Variants in CYB5R4 observed in about 807,000 individuals in gnomAD.
CYB5R4 encodes N-terminal cytochrome b5 and cytochrome b5 oxidoreductase domain-containing protein.
Under a neutral mutation model 70.2 loss-of-function variants are expected in CYB5R4, and 55 were observed. The ratio of observed to expected loss-of-function variants is 0.78; its 90% CI spans 0.63 to 0.98. CYB5R4 has a LOEUF of 0.98. CYB5R4 is among the 50% of genes least tolerant of loss of function. The pLI is 0.00. For synonymous variants in CYB5R4, 197 were observed against 199.5 expected (o/e 0.99, Z 0.11); for missense variants, 562 against 612.6 (o/e 0.92, Z 0.87).
intron 3 of CYB5R4, among the ~76,000 whole-genome samples, chr6:83,898,197 C>T (rs1033326744): frequency 6.6e-6 from 1 of 152,114 alleles, no homozygotes; most frequent in African/African-American, 2.4e-5. Flanking sequence ...GCCAGTTTTC[C>T]CAGCACCATT....
chr6:83,897,261 T>C (rs1002189414), intron 3 of CYB5R4, among the ~76,000 whole-genome samples: 1 of 152,198 alleles, frequency 6.6e-6, no homozygotes, highest in Non-Finnish European at 1.5e-5. Context: ...TATGGCTGCA[T>C]AGTATTCCAT....
intron 2 of CYB5R4, among the ~76,000 whole-genome samples, chr6:83,878,989 C>G (rs2099459030): frequency 6.6e-6 from 1 of 152,160 alleles, no homozygotes; most frequent in Non-Finnish European, 1.5e-5. Context: ...GCTCTTCCCC[C>G]TCTCCAAAAG....
intron 4 of CYB5R4, chr6:83,910,022 G>A (rs1300902690): frequency 1.2e-6 from 2 of 1,611,416 alleles, no homozygotes; most frequent in East Asian, 4.5e-5. Context: ...GCACATACAT[G>A]TTAAGCTGGT....
intron 4 of CYB5R4, among the ~76,000 whole-genome samples, chr6:83,911,294 G>T (rs911753202): frequency 2.0e-5 from 3 of 152,016 alleles, no homozygotes; most frequent in African/African-American, 7.2e-5. Context: ...GGTCTAAGTT[G>T]TGTTATGAAG....
At chr6:83,864,949 G>A (rs2099456511) in intron 2 of CYB5R4, among the ~76,000 whole-genome samples, 1 of 152,030 alleles carries the variant, frequency 6.6e-6, no homozygotes, top group South Asian at 2.1e-4. Flanking sequence ...TCTAGTAGGG[G>A]AACAAAAATA....
At chr6:83,929,801 A>C (rs951073601) in intron 10 of CYB5R4, among the ~76,000 whole-genome samples, 5 of 152,154 alleles carry the variant, frequency 3.3e-5, no homozygotes, top group Non-Finnish European at 7.4e-5. Context: ...TCACCAAACA[A>C]AGGTAATTTT....
intron 2 of CYB5R4, among the ~76,000 whole-genome samples, chr6:83,891,176 G>A (rs2099461070): frequency 6.6e-6 from 1 of 152,016 alleles, no homozygotes; most frequent in Non-Finnish European, 1.5e-5. Context: ...TGAACTCCTA[G>A]CATGAAGCAA....
intron 14 of CYB5R4, among the ~76,000 whole-genome samples, chr6:83,954,270 G>T (rs1218727138): frequency 6.6e-6 from 1 of 152,122 alleles, no homozygotes; most frequent in African/African-American, 2.4e-5. Context: ...TCTTTTCTCA[G>T]CGTATGAAAA....
chr6:83,886,719 A>G (rs2099460303), intron 2 of CYB5R4, among the ~76,000 whole-genome samples: 2 of 152,216 alleles, frequency 1.3e-5, no homozygotes, highest in South Asian at 4.1e-4. Context: ...AGGACTCATA[A>G]TTCTTCACAA....
intron 1 of CYB5R4, among the ~76,000 whole-genome samples, chr6:83,863,726 A>G (rs1326342632): frequency 1.3e-5 from 2 of 152,246 alleles, no homozygotes; most frequent in East Asian, 3.8e-4. Context: ...ATTAAAAATA[A>G]CAATACAACA....
chr6:83,880,487 G>A (rs921725673), intron 2 of CYB5R4, among the ~76,000 whole-genome samples: 6 of 151,904 alleles, frequency 3.9e-5, no homozygotes, highest in Non-Finnish European at 8.8e-5. Context: ...CAGGGAAACT[G>A]ATTTTTTTTT....
intron 3 of CYB5R4, among the ~76,000 whole-genome samples, chr6:83,908,044 G>T (rs2129137550): frequency 6.6e-6 from 1 of 152,180 alleles, no homozygotes; most frequent in East Asian, 1.9e-4. Context: ...GTTCTTTGAG[G>T]AATCACCATA....
Position 83,963,151 on chromosome 6 carries a change from GA to G in CYB5R4, c.*3274del, listed in dbSNP as rs1376611975. The G allele has an allele frequency of 6.6e-6, 1 of 152,168 alleles. No individual in the cohort carries two copies. The highest frequency in any genetic ancestry group is 2.4e-5 in the African/African-American group (1 of 41,428). The allele number at this position is 152,168 out of a possible 1,614,324, so 9.4% of individuals were successfully genotyped here. ...CAAAGGTTGCAGGCATTTGGGTGTT[GA>G]CATCTTTGATGGGCACATTGTGTCT... On this transcript the variant is annotated 3_prime_UTR_variant, in exon 16 of 16. Coordinates refer to ENST00000369681, the MANE Select transcript of CYB5R4 (RefSeq NM_016230.4).
At chr6:83,910,166 A>G in intron 4 of CYB5R4, 1 of 1,587,338 alleles carries the variant, frequency 6.3e-7, no homozygotes, top group Non-Finnish European at 8.6e-7. Flanking sequence ...CTGTCACAGC[A>G]CTGTGAGCAA....
intron 2 of CYB5R4, among the ~76,000 whole-genome samples, chr6:83,885,212 G>A (rs1252064069): frequency 1.3e-5 from 2 of 152,122 alleles, no homozygotes; most frequent in African/African-American, 2.4e-5. Context: ...AATAGATGAC[G>A]ACTGTATTCT....
chr6:83,859,709 C>A lies in CYB5R4; in HGVS notation c.-74C>A. On this transcript the variant is annotated 5_prime_UTR_variant, in exon 1 of 16. Coordinates refer to ENST00000369681, the MANE Select transcript of CYB5R4 (RefSeq NM_016230.4). ...GTCGGGGGCTTGGCCTCTGCCCGGC[C>A]ACAGAGCCGGAGCTGGAGGTGCTGT... 1 of 1,538,502 alleles carries A rather than the reference C, an allele frequency of 6.5e-7. No individual in the cohort carries two copies. The highest frequency in any genetic ancestry group is 8.9e-7 in the Non-Finnish European group (1 of 1,122,376).
At chr6:83,893,667 C>T in intron 3 of CYB5R4, 45 bp downstream of exon 3, 1 of 1,121,950 alleles carries the variant, frequency 8.9e-7, no homozygotes. Context: ...TGGAAGAGTA[C>T]TCAGATTTAT....
intron 2 of CYB5R4, among the ~76,000 whole-genome samples, chr6:83,877,678 C>T (rs916491898): frequency 6.6e-5 from 10 of 152,136 alleles, no homozygotes; most frequent in African/African-American, 2.2e-4. Context: ...CCCGATGAAC[C>T]AGACACCTCC....
Position 83,967,073 on chromosome 6 carries a change from T to C in CYB5R4, c.*7195T>C, listed in dbSNP as rs1251457779. ...AGAAAGTGTTGTACCACATTTGATA[T>C]CCTGATGGAAAAAAATGTGAGCCAA... On this transcript the variant is annotated 3_prime_UTR_variant, in exon 16 of 16. Coordinates refer to ENST00000369681, the MANE Select transcript of CYB5R4 (RefSeq NM_016230.4). The C allele has an allele frequency of 2.6e-5, 4 of 152,184 alleles. No homozygotes were observed. The East Asian group carries it at 5.8e-4, about 22-fold the overall frequency. 9.4% of individuals were successfully genotyped at this position (152,184 alleles called of 1,614,324 possible). A position where few individuals can be genotyped will look rare whatever the true frequency, so the allele number is the denominator to read the frequency against.
Sources: allele counts gnomAD v4.1 joint callset (sites outside exome capture counted in the v4.1 genomes callset), GRCh38; gene constraint gnomAD v4.1.1; transcripts MANE v1.5; gene names NCBI Gene and HGNC (gene_info 2026-07-23, HGNC 2026-07-21).